Variants in EXOC6B observed in about 807,000 individuals in gnomAD.
The protein encoded by EXOC6B is SEC15 homolog B.
In EXOC6B, 54 loss-of-function variants were observed where a neutral mutation model predicts 113.5. That is an observed-to-expected ratio of 0.48 (90% CI 0.38 to 0.60). The LOEUF is 0.60. Among genes scored for constraint, EXOC6B ranks in the 20% least tolerant of loss-of-function variants. The pLI is 0.00. For missense variants in EXOC6B, 797 were observed against 977.5 expected, an observed-to-expected ratio of 0.82 and a Z score of 2.46; for synonymous variants, 357 against 339.0, an observed-to-expected ratio of 1.05 and a Z score of -0.58.
At chr2:72,456,731 T>C (rs866425294) in intron 18 of EXOC6B, among the ~76,000 whole-genome samples, 1 of 152,070 alleles carries the variant, frequency 6.6e-6, no homozygotes, top group South Asian at 2.1e-4. Context: ...TGGGATGACA[T>C]ATAACACATG....
At chr2:72,767,716 G>A (rs1683153490) in intron 1 of EXOC6B, among the ~76,000 whole-genome samples, 1 of 148,420 alleles carries the variant, frequency 6.7e-6, no homozygotes, top group South Asian at 2.1e-4. Context: ...AGGAGGCTGA[G>A]GTGGGAGTAT....
intron 20 of EXOC6B, among the ~76,000 whole-genome samples, chr2:72,237,349 T>A (rs1330770584): frequency 6.6e-6 from 1 of 152,202 alleles, no homozygotes; most frequent in African/African-American, 2.4e-5. Flanking sequence ...GCCAGATATA[T>A]TTTCTCTTAG....
chr2:72,483,026 C>A (rs1006928779), intron 16 of EXOC6B, among the ~76,000 whole-genome samples: 3 of 152,074 alleles, frequency 2.0e-5, no homozygotes, highest in African/African-American at 7.2e-5. Context: ...AGTTTTAATT[C>A]AGAAATTTTG....
At chr2:72,189,176 T>C (rs1191001867) in intron 20 of EXOC6B, among the ~76,000 whole-genome samples, 1 of 152,228 alleles carries the variant, frequency 6.6e-6, no homozygotes, top group Non-Finnish European at 1.5e-5. Flanking sequence ...GATTGAGTAT[T>C]ATGTTTAGCT....
At chr2:72,260,717 T>C (rs1337408134) in intron 20 of EXOC6B, among the ~76,000 whole-genome samples, 1 of 152,148 alleles carries the variant, frequency 6.6e-6, no homozygotes, top group Non-Finnish European at 1.5e-5. Context: ...CAATTCTTGG[T>C]AACTTAATCC....
chr2:72,245,535 T>C (rs1295869609), intron 20 of EXOC6B, among the ~76,000 whole-genome samples: 1 of 152,202 alleles, frequency 6.6e-6, no homozygotes, highest in Non-Finnish European at 1.5e-5. Flanking sequence ...CTTGAAAGCA[T>C]ATTGGTAAGT....
chr2:72,539,103 C>G (rs770429217), intron 8 of EXOC6B, among the ~76,000 whole-genome samples: 1 of 152,130 alleles, frequency 6.6e-6, no homozygotes, highest in Non-Finnish European at 1.5e-5. Context: ...AAAACTGAAG[C>G]ACAAAAGCTG....
At chr2:72,342,838 A>C (rs999787360) in intron 19 of EXOC6B, among the ~76,000 whole-genome samples, 1 of 152,204 alleles carries the variant, frequency 6.6e-6, no homozygotes, top group Non-Finnish European at 1.5e-5. Flanking sequence ...TTAAAACTAT[A>C]GTTACCGTAT....
At chr2:72,186,494 A>T (rs2104244089) in intron 20 of EXOC6B, among the ~76,000 whole-genome samples, 1 of 152,038 alleles carries the variant, frequency 6.6e-6, no homozygotes, top group African/African-American at 2.4e-5. Context: ...GGAAAGAACT[A>T]TGAAAAAGGA....
intron 19 of EXOC6B, among the ~76,000 whole-genome samples, chr2:72,340,580 C>T (rs896586709): frequency 2.0e-5 from 3 of 152,104 alleles, no homozygotes; most frequent in African/African-American, 4.8e-5. Flanking sequence ...ACAATGGACA[C>T]GATAGCATCA....
chr2:72,561,656 A>G (rs1409970693), intron 7 of EXOC6B, among the ~76,000 whole-genome samples: 5 of 152,242 alleles, frequency 3.3e-5, no homozygotes, highest in African/African-American at 9.6e-5. Context: ...ACACAGCCAC[A>G]TAACAAAGAC....
At chr2:72,382,157 G>T (rs941799834) in intron 18 of EXOC6B, among the ~76,000 whole-genome samples, 1 of 152,026 alleles carries the variant, frequency 6.6e-6, no homozygotes, top group South Asian at 2.1e-4. Flanking sequence ...TAAATTACTT[G>T]GTTTTAATTA....
At chr2:72,210,005 G>A (rs1226591327) in intron 20 of EXOC6B, among the ~76,000 whole-genome samples, 1 of 152,102 alleles carries the variant, frequency 6.6e-6, no homozygotes, top group Non-Finnish European at 1.5e-5. Context: ...GATTATGCAG[G>A]CATAATTTTT....
Position 72,295,226 on chromosome 2 carries a change from T to C in EXOC6B, c.2196+39721A>G, listed in dbSNP as rs954986917. On this transcript the variant is annotated intron_variant, in intron 20 of 21. Coordinates refer to ENST00000272427, the MANE Select transcript of EXOC6B (RefSeq NM_015189.3). ...AGCCTGGCAATAGAGCAAGACTCCATCTCAAAAAAAAAAAAAAAAAAAATA... is the reference window on the plus strand; with the variant it reads ...AGCCTGGCAATAGAGCAAGACTCCACCTCAAAAAAAAAAAAAAAAAAAATA... Among the ~76,000 whole-genome samples, 240 of 111,790 alleles carry C rather than the reference T, an allele frequency of 2.1e-3. 2 individuals are homozygous for C. Among genetic ancestry groups the C allele is most frequent in the African/African-American group, 9.7e-3 (201 of 20,674 alleles). The allele number at this position is 111,790 out of a possible 152,430, so 73.3% of individuals were successfully genotyped here. A position where few individuals can be genotyped will look rare whatever the true frequency, so the allele number is the denominator to read the frequency against.
chr2:72,260,547 A>AC (rs1022344114), intron 20 of EXOC6B, among the ~76,000 whole-genome samples: 44 of 152,306 alleles, frequency 2.9e-4, no homozygotes, highest in African/African-American at 9.4e-4. Flanking sequence ...AATAATCTAG[A>AC]CAGGATTTCA....
chr2:72,609,111 C>T (rs906332191), intron 6 of EXOC6B, among the ~76,000 whole-genome samples: 4 of 152,108 alleles, frequency 2.6e-5, no homozygotes, highest in Non-Finnish European at 4.4e-5. Context: ...GTAGGAAGAT[C>T]GAGATGGTAC....
At chr2:72,644,339 A>T (rs772794571) in intron 6 of EXOC6B, among the ~76,000 whole-genome samples, 8 of 152,240 alleles carry the variant, frequency 5.3e-5, no homozygotes, top group Non-Finnish European at 1.2e-4. Context: ...CCTGAAAATG[A>T]TGGGAAGAAT....
In EXOC6B at chr2:72,731,258, GA is replaced by G; in HGVS notation, c.328-14del. ...TTGCTATTACCAGCTTGGCAAGAGG[GA>G]AAAAGACTGAATTATGCCTATGGCT... On this transcript the variant is annotated splice_polypyrimidine_tract_variant and intron_variant, in intron 3 of 21. Coordinates refer to ENST00000272427, the MANE Select transcript of EXOC6B (RefSeq NM_015189.3). 1.3e-6 allele frequency: 2 copies of G among 1,592,810 alleles called. No individual in the cohort carries two copies. The highest frequency in any genetic ancestry group is 1.7e-6 in the Non-Finnish European group (2 of 1,162,162).
intron 7 of EXOC6B, among the ~76,000 whole-genome samples, chr2:72,572,290 T>G (rs1704560054): frequency 6.6e-6 from 1 of 152,154 alleles, no homozygotes; most frequent in South Asian, 2.1e-4. Flanking sequence ...TGTTAAAAAA[T>G]GCAGACTCAG....
Sources: gnomAD v4.1 joint callset for allele counts (sites outside exome capture counted in the v4.1 genomes callset) on GRCh38, gnomAD v4.1.1 for gene constraint, MANE v1.5 for transcripts, NCBI Gene and HGNC (gene_info 2026-07-23, HGNC 2026-07-21) for gene names.